Variants in LPP observed in about 807,000 individuals in gnomAD.
The protein encoded by LPP is LIM domain containing preferred translocation partner in lipoma.
In LPP, 38 loss-of-function variants were observed where a neutral mutation model predicts 60.4. That is an observed-to-expected ratio of 0.63 (90% CI 0.49 to 0.83). LPP has a LOEUF of 0.83. LPP is among the 40% of genes least tolerant of loss of function. The pLI, the probability that LPP is intolerant of heterozygous loss-of-function variation, is 0.00. For synonymous variants in LPP, 328 were observed against 290.8 expected (o/e 1.13, Z -1.30); for missense variants, 902 against 783.6 (o/e 1.15, Z -1.80).
In LPP at chr3:188,433,549, G is replaced by C. The variant is rs376433413; in HGVS notation, c.193+27236G>C. ...AAAGAAAAAAATATTCTGATAGTTT[G>C]CTGAAAGAGCTCAGGGATGAGAGAG... On this transcript the variant is annotated intron_variant, in intron 4 of 11. Coordinates refer to ENST00000617246, the MANE Select transcript of LPP (RefSeq NM_001375462.1). Among the ~76,000 whole-genome samples, 91 of 151,206 alleles carry C rather than the reference G, an allele frequency of 6.0e-4. 2 individuals are homozygous for C. The South Asian group carries it at 0.018, about 30-fold the overall frequency.
At chr3:188,857,177 T>C (rs999784297) in intron 9 of LPP, among the ~76,000 whole-genome samples, 1 of 152,184 alleles carries the variant, frequency 6.6e-6, no homozygotes, top group Non-Finnish European at 1.5e-5. Flanking sequence ...TGTCCTAGTA[T>C]GTGAGGTGAG....
chr3:188,735,555 T>C (rs1186943730), intron 8 of LPP, among the ~76,000 whole-genome samples: 2 of 151,872 alleles, frequency 1.3e-5, no homozygotes, highest in African/African-American at 4.8e-5. Flanking sequence ...CTAATTTTTT[T>C]GTATTTTTAT....
intron 5 of LPP, among the ~76,000 whole-genome samples, chr3:188,511,691 A>G (rs768298357): frequency 2.0e-5 from 3 of 152,088 alleles, no homozygotes; most frequent in Non-Finnish European, 2.9e-5. Context: ...TCCTTGGGCT[A>G]TCCTCTTTTG....
intron 9 of LPP, among the ~76,000 whole-genome samples, chr3:188,842,388 A>G (rs959666405): frequency 6.6e-6 from 1 of 152,178 alleles, no homozygotes; most frequent in South Asian, 2.1e-4. Context: ...ATTTTCCTAT[A>G]GAGTTGTTTG....
At chr3:188,755,635 C>CT (rs1272239535) in intron 8 of LPP, among the ~76,000 whole-genome samples, 1 of 151,716 alleles carries the variant, frequency 6.6e-6, no homozygotes, top group Non-Finnish European at 1.5e-5. Flanking sequence ...AAGACCCTAT[C>CT]TGTACAGGAA....
intron 6 of LPP, among the ~76,000 whole-genome samples, chr3:188,596,162 G>A (rs192086326): frequency 6.6e-6 from 1 of 152,182 alleles, no homozygotes; most frequent in Admixed American, 6.5e-5. Context: ...TTTGTGCTGT[G>A]GTTGAAAAAA....
At chr3:188,547,605 G>A (rs1826998281) in intron 6 of LPP, among the ~76,000 whole-genome samples, 1 of 151,844 alleles carries the variant, frequency 6.6e-6, no homozygotes, top group Non-Finnish European at 1.5e-5. Flanking sequence ...TTTTTTACTT[G>A]GCATTTGCGA....
intron 2 of LPP, among the ~76,000 whole-genome samples, chr3:188,246,933 T>G (rs778558883): frequency 3.3e-5 from 5 of 152,210 alleles, no homozygotes. Flanking sequence ...CCTTCTTTTC[T>G]TAGAGATTGG....
At chr3:188,368,385 CTT>C (rs5855191) in intron 3 of LPP, among the ~76,000 whole-genome samples, 1,725 of 148,856 alleles carry the variant, frequency 0.012, 29 homozygotes, top group African/African-American at 0.038. Context: ...ACCATCATGG[CTT>C]TTTTTTTTTC....
chr3:188,407,783 TGTTTG>T (rs146806544), intron 4 of LPP, among the ~76,000 whole-genome samples: 77 of 61,352 alleles, frequency 1.3e-3, no homozygotes, highest in Middle Eastern at 0.01. Flanking sequence ...TTTTTTTGTT[TGTTTG>T]TTTTTTTTTT....
intron 1 of LPP, among the ~76,000 whole-genome samples, chr3:188,168,015 A>G (rs185514222): frequency 1.3e-5 from 2 of 152,386 alleles, no homozygotes; most frequent in Admixed American, 1.3e-4. Flanking sequence ...ATGGATTGTC[A>G]TATGACAATA....
At chr3:188,264,199 C>G (rs1734638469) in intron 2 of LPP, among the ~76,000 whole-genome samples, 1 of 151,822 alleles carries the variant, frequency 6.6e-6, no homozygotes, top group Non-Finnish European at 1.5e-5. Context: ...CACATGCTAC[C>G]TTTTATAGAT....
At chr3:188,673,597 G>A (rs1445189644) in intron 7 of LPP, among the ~76,000 whole-genome samples, 2 of 152,072 alleles carry the variant, frequency 1.3e-5, no homozygotes, top group Non-Finnish European at 2.9e-5. Context: ...TATCAGCTAA[G>A]AGTTCATTTA....
chr3:188,345,341 G>A (rs1035943168), intron 3 of LPP, among the ~76,000 whole-genome samples: 9 of 152,090 alleles, frequency 5.9e-5, no homozygotes, highest in African/African-American at 2.2e-4. Context: ...TGCTTTCCGT[G>A]TTTATTAAAA....
intron 9 of LPP, among the ~76,000 whole-genome samples, chr3:188,770,168 CTTT>C (rs57278260): frequency 4.0e-3 from 258 of 64,624 alleles, no homozygotes; most frequent in Non-Finnish European, 6.5e-3. Flanking sequence ...AGTTATAATT[CTTT>C]TTTTTTTTTT....
In LPP at chr3:188,226,655, C is replaced by T. The variant is rs941460066; in HGVS notation, c.-67+1128C>T. 5.9e-5 allele frequency among the ~76,000 whole-genome samples: 9 copies of T among 152,280 alleles called. No individual in the cohort carries two copies. In the South Asian group the frequency reaches 8.3e-4, roughly 14 times the overall value. ...CTTAGGATCCTGATTCGATGGTCCC[C>T]ATTGGCTGAGGCCAATTCATATATG... On this transcript the variant is annotated intron_variant, in intron 2 of 11. Transcript: ENST00000617246.
At chr3:188,203,628 TA>T (rs1271467368) in intron 1 of LPP, among the ~76,000 whole-genome samples, 34 of 123,408 alleles carry the variant, frequency 2.8e-4, no homozygotes, top group South Asian at 1.1e-3. Flanking sequence ...TATATATACA[TA>T]TCAAATATGT....
chr3:188,384,374 G>T (rs956573411), intron 3 of LPP, among the ~76,000 whole-genome samples: 1 of 148,754 alleles, frequency 6.7e-6, no homozygotes, highest in Admixed American at 6.7e-5. Context: ...ACATACATGT[G>T]TACACACCAT....
At chr3:188,360,437 T>G (rs1252401655) in intron 3 of LPP, among the ~76,000 whole-genome samples, 1 of 152,200 alleles carries the variant, frequency 6.6e-6, no homozygotes, top group Non-Finnish European at 1.5e-5. Flanking sequence ...TTGTCTTTTC[T>G]TCTTCTCTTC....
Sources: allele counts gnomAD v4.1 joint callset (sites outside exome capture counted in the v4.1 genomes callset), GRCh38; gene constraint gnomAD v4.1.1; transcripts MANE v1.5; gene names NCBI Gene and HGNC (gene_info 2026-07-23, HGNC 2026-07-21).